PCDH9: variants seen among roughly 807,000 people sequenced by gnomAD.
The protein encoded by PCDH9 is protocadherin 9, also known as protocadherin-9.
Under a neutral mutation model 70.6 loss-of-function variants are expected in PCDH9, and 24 were observed. The observed-to-expected ratio is 0.34, with a 90% CI of 0.25 to 0.48. PCDH9 has a LOEUF of 0.48. Among genes scored for constraint, PCDH9 ranks in the 20% least tolerant of loss-of-function variants. The pLI is 0.99. For synonymous variants in PCDH9, 562 were observed against 558.5 expected (o/e 1.01, Z -0.09); for missense variants, 1,281 against 1,503.6 (o/e 0.85, Z 2.45).
At chr13:66,758,010 A>G (rs917857685) in intron 3 of PCDH9, among the ~76,000 whole-genome samples, 29 of 152,078 alleles carry the variant, frequency 1.9e-4, no homozygotes, top group Admixed American at 1.9e-3. Context: ...ATAATCCAAC[A>G]TTATCATATG....
At chr13:66,949,406 C>T (rs2083141622) in intron 2 of PCDH9, among the ~76,000 whole-genome samples, 1 of 152,082 alleles carries the variant, frequency 6.6e-6, no homozygotes, top group African/African-American at 2.4e-5. Context: ...ACCAATATCA[C>T]ACCATCTCTA....
chr13:66,371,616 T>C (rs1956654892), intron 4 of PCDH9, among the ~76,000 whole-genome samples: 2 of 152,068 alleles, frequency 1.3e-5, no homozygotes, highest in African/African-American at 2.4e-5. Flanking sequence ...TTTATTTTTT[T>C]CTTTAATTCT....
At chr13:66,945,722 T>C (rs768021223) in intron 2 of PCDH9, among the ~76,000 whole-genome samples, 1 of 152,162 alleles carries the variant, frequency 6.6e-6, no homozygotes, top group Non-Finnish European at 1.5e-5. Flanking sequence ...CACAGTTATT[T>C]TCATCTACTC....
chr13:66,414,731 C>A lies in PCDH9; in HGVS notation c.3341-109703G>T, dbSNP rs181557204. Among the ~76,000 whole-genome samples, 7 of 152,222 alleles carry A rather than the reference C, an allele frequency of 4.6e-5. No homozygotes were observed. The East Asian group carries it at 1.4e-3, about 29-fold the overall frequency. ...ATGTGATTAAATTGCTGGTATAATT[C>A]TTCTCACAATAATTTGTTGTCAGCT... On this transcript the variant is annotated intron_variant, in intron 4 of 4. Coordinates refer to ENST00000377865, the MANE Select transcript of PCDH9 (RefSeq NM_203487.3).
At chr13:66,348,129 T>G (rs1956238790) in intron 4 of PCDH9, among the ~76,000 whole-genome samples, 1 of 152,144 alleles carries the variant, frequency 6.6e-6, no homozygotes, top group Non-Finnish European at 1.5e-5. Context: ...TCTTTTTCCT[T>G]TTTCCATCTC....
chr13:66,620,900 G>A (rs1041574206), intron 4 of PCDH9, among the ~76,000 whole-genome samples: 2 of 152,044 alleles, frequency 1.3e-5, no homozygotes, highest in African/African-American at 2.4e-5. Flanking sequence ...TGGTTTTAAT[G>A]TCTATCCCCC....
chr13:66,670,633 G>A (rs940477200), intron 3 of PCDH9, among the ~76,000 whole-genome samples: 1 of 152,104 alleles, frequency 6.6e-6, no homozygotes, highest in Non-Finnish European at 1.5e-5. Flanking sequence ...TGTAAGGAAA[G>A]ATGAAAATTG....
intron 3 of PCDH9, among the ~76,000 whole-genome samples, chr13:66,775,388 G>A (rs967998924): frequency 1.9e-4 from 29 of 152,150 alleles, no homozygotes; most frequent in Admixed American, 5.9e-4. Context: ...ACTGTTGCCA[G>A]CAAACCAGGA....
chr13:66,974,846 C>T lies in PCDH9; in HGVS notation c.3037-71241G>A, dbSNP rs114682914. On this transcript the variant is annotated intron_variant, in intron 2 of 4. Coordinates refer to ENST00000377865, the MANE Select transcript of PCDH9 (RefSeq NM_203487.3). ...TTATATTGTGGAGTTTAATTGTGAG[C>T]GACTGAACATGCAGTACGATATGAA... Among the ~76,000 whole-genome samples the T allele has an allele frequency of 6.5e-3, 985 of 151,988 alleles. 9 individuals carry two copies. Among genetic ancestry groups the T allele is most frequent in the African/African-American group, 0.023 (947 of 41,466 alleles).
chr13:66,401,753 C>T (rs972524963), intron 4 of PCDH9, among the ~76,000 whole-genome samples: 4 of 134,728 alleles, frequency 3.0e-5, no homozygotes, highest in South Asian at 2.4e-4. Flanking sequence ...GCATACCCTG[C>T]ATTCAAGTGT....
chr13:66,587,292 T>C (rs2076975827), intron 4 of PCDH9, among the ~76,000 whole-genome samples: 1 of 151,946 alleles, frequency 6.6e-6, no homozygotes, highest in Admixed American at 6.6e-5. Flanking sequence ...AGTGAGACCC[T>C]GTCTCAAACA....
chr13:66,373,790 C>G (rs1426407329), intron 4 of PCDH9, among the ~76,000 whole-genome samples: 1 of 152,040 alleles, frequency 6.6e-6, no homozygotes, highest in Non-Finnish European at 1.5e-5. Flanking sequence ...TTTCATAGTT[C>G]CCACTCCGTG....
chr13:66,916,924 C>A (rs1041142346), intron 2 of PCDH9, among the ~76,000 whole-genome samples: 7 of 151,486 alleles, frequency 4.6e-5, no homozygotes, highest in African/African-American at 1.7e-4. Flanking sequence ...GTGCATTCAG[C>A]AAATAGTTAC....
chr13:66,682,186 G>T (rs898562445), intron 3 of PCDH9, among the ~76,000 whole-genome samples: 1 of 151,724 alleles, frequency 6.6e-6, no homozygotes, highest in Non-Finnish European at 1.5e-5. Context: ...AATCATCCCT[G>T]CTCTATGAAA....
At chr13:67,075,912 T>C (rs2085868962) in intron 2 of PCDH9, among the ~76,000 whole-genome samples, 1 of 151,876 alleles carries the variant, frequency 6.6e-6, no homozygotes, top group Non-Finnish European at 1.5e-5. Context: ...TGCAACTGCA[T>C]AAATTTAGAA....
chr13:67,127,650 A>G (rs2087009508), intron 2 of PCDH9, among the ~76,000 whole-genome samples: 1 of 149,160 alleles, frequency 6.7e-6, no homozygotes, highest in Non-Finnish European at 1.5e-5. Flanking sequence ...TATTCATTTC[A>G]AGACTTTTTT....
At chr13:66,924,649 G>A (rs1453886452) in intron 2 of PCDH9, among the ~76,000 whole-genome samples, 1 of 151,722 alleles carries the variant, frequency 6.6e-6, no homozygotes, top group African/African-American at 2.4e-5. Flanking sequence ...TACATATTTT[G>A]AAGAGCATAT....
At chr13:67,131,358 T>G (rs1455260175) in intron 2 of PCDH9, among the ~76,000 whole-genome samples, 1 of 152,284 alleles carries the variant, frequency 6.6e-6, no homozygotes, top group Non-Finnish European at 1.5e-5. Context: ...ATAGTTTACC[T>G]CTCTGTGACT....
At chr13:67,200,929 T>C (rs539066256) in intron 2 of PCDH9, 2 of 152,168 alleles carry the variant, frequency 1.3e-5, no homozygotes, top group East Asian at 1.9e-4. Flanking sequence ...TTCAATAAGA[T>C]TAAGGTCAGG....
Sources: allele counts gnomAD v4.1 joint callset (sites outside exome capture counted in the v4.1 genomes callset), GRCh38; gene constraint gnomAD v4.1.1; transcripts MANE v1.5; gene names NCBI Gene and HGNC (gene_info 2026-07-23, HGNC 2026-07-21).